Variants in SNX24 observed in about 807,000 individuals in gnomAD.
SNX24 encodes the protein sorting nexin-24.
Under a neutral mutation model 28.7 loss-of-function variants are expected in SNX24, and 22 were observed. That is an observed-to-expected ratio of 0.77 (90% CI 0.55 to 1.10). The LOEUF is 1.10. Among genes scored for constraint, SNX24 ranks in the 50% least tolerant of loss-of-function variants. The probability of loss-of-function intolerance (pLI) is 0.00; values close to 1 mark genes in which losing one functional copy is unlikely to be tolerated. For synonymous variants in SNX24, 69 were observed against 71.5 expected, an observed-to-expected ratio of 0.96 and a Z score of 0.18; for missense variants, 221 against 201.1, an observed-to-expected ratio of 1.10 and a Z score of -0.60.
At chr5:122,959,016 G>A (rs1050665170) in intron 3 of SNX24, among the ~76,000 whole-genome samples, 6 of 152,244 alleles carry the variant, frequency 3.9e-5, no homozygotes, top group South Asian at 2.1e-4. Flanking sequence ...CCTAGAATGC[G>A]TTAGGGTGTA....
chr5:122,905,304 G>A (rs1757602754), intron 1 of SNX24, among the ~76,000 whole-genome samples: 1 of 152,080 alleles, frequency 6.6e-6, no homozygotes, highest in Admixed American at 6.6e-5. Flanking sequence ...CTGACAGTTG[G>A]GTTCATTCTG....
chr5:122,852,082 G>A (rs1754945382), intron 1 of SNX24, among the ~76,000 whole-genome samples: 1 of 150,730 alleles, frequency 6.6e-6, no homozygotes, highest in African/African-American at 2.4e-5. Context: ...ATATGTGTGT[G>A]TGTATAAATA....
intron 3 of SNX24, among the ~76,000 whole-genome samples, chr5:122,951,927 T>C (rs1759960994): frequency 6.6e-6 from 1 of 152,190 alleles, no homozygotes; most frequent in African/African-American, 2.4e-5. Flanking sequence ...AGGGCACAGG[T>C]TGAGTGTTCC....
intron 1 of SNX24, among the ~76,000 whole-genome samples, chr5:122,880,949 G>A (rs1333495900): frequency 6.6e-6 from 1 of 152,216 alleles, no homozygotes; most frequent in African/African-American, 2.4e-5. Flanking sequence ...TCATTTGGTT[G>A]CAAATGGGCC....
At chr5:122,863,536 T>C (rs1755579607) in intron 1 of SNX24, among the ~76,000 whole-genome samples, 2 of 151,356 alleles carry the variant, frequency 1.3e-5, no homozygotes, top group South Asian at 4.2e-4. Flanking sequence ...TTCTTTTTTT[T>C]TTTTGAGGTG....
intron 1 of SNX24, among the ~76,000 whole-genome samples, chr5:122,893,802 G>A (rs1420013687): frequency 6.6e-6 from 1 of 152,180 alleles, no homozygotes; most frequent in Admixed American, 6.5e-5. Flanking sequence ...CCAGCACTTT[G>A]CGAGGCCAAG....
chr5:122,891,041 G>A (rs528440768), intron 1 of SNX24: 1 of 1,522,478 alleles, frequency 6.6e-7, no homozygotes, highest in Non-Finnish European at 8.8e-7. Context: ...TAATAGTTTG[G>A]CATAGAGCCT....
At position 123,028,636 on chromosome 5, in the gene SNX24, C is replaced by T. The variant is rs565727956; in HGVS notation, n.384-602C>T. On this transcript the variant is annotated intron_variant and non_coding_transcript_variant, in intron 5 of 5. Transcript: ENST00000502387. The stretch of plus-strand genomic sequence containing the variant: ...GATGCTGCTAGATGAGTCCCCAAAA[C>T]TCCATCCTTCTCAAAGAGGTACAGT... 7.9e-6 allele frequency: 5 copies of T among 632,138 alleles called. No individual in the cohort carries two copies. The East Asian group carries it at 1.2e-4, about 15-fold the overall frequency. The allele number at this position is 632,138 out of a possible 1,614,324, so 39.2% of individuals were successfully genotyped here.
intron 5 of SNX24, among the ~76,000 whole-genome samples, chr5:123,016,772 T>C (rs1762686733): frequency 6.6e-6 from 1 of 152,102 alleles, no homozygotes; most frequent in Non-Finnish European, 1.5e-5. Context: ...CTTGAACAAC[T>C]GGGTGGATGT....
intron 1 of SNX24, among the ~76,000 whole-genome samples, chr5:122,848,878 G>A (rs1275783475): frequency 6.6e-6 from 1 of 152,086 alleles, no homozygotes; most frequent in Non-Finnish European, 1.5e-5. Context: ...TGTGCTGTGA[G>A]CACATACTTT....
intron 1 of SNX24, among the ~76,000 whole-genome samples, chr5:122,911,734 C>G (rs1422289725): frequency 8.6e-5 from 9 of 104,368 alleles, no homozygotes; most frequent in African/African-American, 3.9e-4. Flanking sequence ...GGAATCCTTT[C>G]CCCATTGCTT....
chr5:122,899,256 G>C (rs973963002), intron 1 of SNX24, among the ~76,000 whole-genome samples: 1 of 152,172 alleles, frequency 6.6e-6, no homozygotes, highest in African/African-American at 2.4e-5. Flanking sequence ...TCTGGCAGTA[G>C]ATGTTCTAAG....
At chr5:122,899,115 G>C (rs551487233) in intron 1 of SNX24, among the ~76,000 whole-genome samples, 1 of 152,310 alleles carries the variant, frequency 6.6e-6, no homozygotes, top group Non-Finnish European at 1.5e-5. Context: ...CCTCCACTGT[G>C]AGATCTGTGC....
intron 3 of SNX24, among the ~76,000 whole-genome samples, chr5:122,952,769 G>A (rs1232352753): frequency 6.6e-6 from 1 of 152,206 alleles, no homozygotes; most frequent in Non-Finnish European, 1.5e-5. Context: ...AGGATGCTGT[G>A]TAAAAGGAAC....
intron 1 of SNX24, among the ~76,000 whole-genome samples, chr5:122,862,010 G>A (rs761769326): frequency 2.0e-5 from 3 of 152,196 alleles, no homozygotes; most frequent in Admixed American, 2.0e-4. Flanking sequence ...TGGTTGCATT[G>A]GTGTTGCGGG....
intron 1 of SNX24, among the ~76,000 whole-genome samples, chr5:122,907,140 C>T (rs1018062680): frequency 3.3e-5 from 5 of 152,180 alleles, no homozygotes; most frequent in African/African-American, 1.2e-4. Context: ...CTTTGCTTAT[C>T]TCTCTAAGGA....
Position 123,023,807 on chromosome 5 carries a change from A to AACACAC in SNX24, n.384-5406_384-5401dup, listed in dbSNP as rs70988555. The stretch of plus-strand genomic sequence containing the variant: ...AAAGCAAATAATTGAAAGACAACAC[A>AACACAC]ACACACACACACACACACACACACA... On this transcript the variant is annotated intron_variant and non_coding_transcript_variant, in intron 5 of 5. Transcript: ENST00000502387. The AACACAC allele has an allele frequency of 0.019, 24,070 of 1,291,784 alleles. 1,029 individuals are homozygous for AACACAC. In the African/African-American group the frequency reaches 0.2, roughly 11 times the overall value. 80.0% of individuals were successfully genotyped at this position (1,291,784 alleles called of 1,614,324 possible). A position where few individuals can be genotyped will look rare whatever the true frequency, so the allele number is the denominator to read the frequency against.
intron 2 of SNX24, among the ~76,000 whole-genome samples, chr5:122,942,008 G>T (rs1322532027): frequency 6.6e-6 from 1 of 152,168 alleles, no homozygotes; most frequent in Non-Finnish European, 1.5e-5. Flanking sequence ...GGCTACACCT[G>T]TCCACACCCC....
intron 1 of SNX24, among the ~76,000 whole-genome samples, chr5:122,889,715 ATATATGTATGTG>A (rs984153798): frequency 1.1e-5 from 1 of 95,052 alleles, no homozygotes; most frequent in Non-Finnish European, 1.9e-5. Context: ...ATATGTATAT[ATATATGTATGTG>A]TATATATATA....
Sources: allele counts gnomAD v4.1 joint callset (sites outside exome capture counted in the v4.1 genomes callset), GRCh38; gene constraint gnomAD v4.1.1; transcripts MANE v1.5; gene names NCBI Gene and HGNC (gene_info 2026-07-23, HGNC 2026-07-21).